The following RIDA variants were observed in gnomAD, a reference collection of about 807,000 sequenced individuals.
RIDA encodes reactive intermediate imine deaminase A.
RIDA carries 17 observed loss-of-function variants against 17.8 expected under a neutral mutation model. The observed-to-expected ratio is 0.96, with a 90% CI of 0.65 to 1.43. The LOEUF is 1.43. Ranked by LOEUF, RIDA falls within the 40% of genes most tolerant of loss-of-function variation. The pLI is 0.00. For synonymous variants in RIDA, 48 were observed against 55.7 expected, an observed-to-expected ratio of 0.86 and a Z score of 0.62; for missense variants, 158 against 161.7, an observed-to-expected ratio of 0.98 and a Z score of 0.12.
chr8:98,113,994 A>G (rs1189954067), intron 1 of RIDA, among the ~76,000 whole-genome samples: 1 of 152,214 alleles, frequency 6.6e-6, no homozygotes, highest in Admixed American at 6.5e-5. Context: ...GCTTAAAAAC[A>G]TTTAGCCTGG....
Position 98,103,829 on chromosome 8 carries a change from C to CG in RIDA, c.351+659dup, listed in dbSNP as rs1308099926. Among the ~76,000 whole-genome samples the CG allele has an allele frequency of 4.0e-5, 6 of 151,708 alleles. No individual in the cohort carries two copies. In the South Asian group the frequency reaches 6.3e-4, roughly 16 times the overall value. On this transcript the variant is annotated intron_variant, in intron 5 of 5. Coordinates refer to ENST00000254878, the MANE Select transcript of RIDA (RefSeq NM_005836.3). ...TTTTTTTTTGTATTTTTAGTAGAGA[C>CG]GGGTTTCACCATGTGAGCCAGGATG...
chr8:98,110,593 C>T (rs1243205932), intron 1 of RIDA, among the ~76,000 whole-genome samples: 1 of 152,148 alleles, frequency 6.6e-6, no homozygotes, highest in Non-Finnish European at 1.5e-5. Flanking sequence ...GTAACTTATA[C>T]CTCAATATAG....
At chr8:98,116,697 G>A (rs1459483666) in intron 1 of RIDA, among the ~76,000 whole-genome samples, 3 of 147,804 alleles carry the variant, frequency 2.0e-5, no homozygotes, top group African/African-American at 7.4e-5. Flanking sequence ...CTTACGGTAC[G>A]TGAATTATAT....
intron 1 of RIDA, among the ~76,000 whole-genome samples, chr8:98,112,194 A>AC (rs1444534941): frequency 2.4e-5 from 3 of 122,896 alleles, no homozygotes; most frequent in Admixed American, 9.1e-5. Flanking sequence ...AAACTATACT[A>AC]AACACACACA....
chr8:98,117,069 T>G lies in RIDA; in HGVS notation c.28A>C (p.Ser10Arg). MSSLIRRVI[S>R]TAKAPGAIGP... ...ATGGCCCCTGGGGCTTTCGCGGTGC[T>G]GATCACCCTTCTGATCAAGGACGAC... Residue 10 changes from serine to arginine, a missense_variant, in exon 1 of 6, where the codon AGC (serine) becomes CGC (arginine). Physicochemically the swap from Ser to Arg is moderately radical, Grantham distance 110. Transcript: ENST00000254878. The G allele has an allele frequency of 6.2e-7, 1 of 1,614,220 alleles. No individual in the cohort carries two copies. Among genetic ancestry groups the G allele is most frequent in the Non-Finnish European group, 8.5e-7 (1 of 1,180,002 alleles).
rs115349039 is a variant in RIDA, at chr8:98,109,774, A to G, written c.66-1023T>C. Among the ~76,000 whole-genome samples the G allele has an allele frequency of 4.4e-3, 668 of 151,976 alleles. 4 individuals are homozygous for G. The highest frequency in any genetic ancestry group is 0.015 in the African/African-American group (639 of 41,454). On this transcript the variant is annotated intron_variant, in intron 1 of 5. Coordinates refer to ENST00000254878, the MANE Select transcript of RIDA (RefSeq NM_005836.3). ...CCATGCCTGGCTAATTTTTTATTTTATTATTTACTTATTTTTATTTTTTGT... is the reference window on the plus strand; with the variant it reads ...CCATGCCTGGCTAATTTTTTATTTTGTTATTTACTTATTTTTATTTTTTGT...
chr8:98,111,991 T>C (rs1815735026), intron 1 of RIDA, among the ~76,000 whole-genome samples: 1 of 152,140 alleles, frequency 6.6e-6, no homozygotes, highest in Admixed American at 6.6e-5. Context: ...CTCTCTTCTT[T>C]TACATAAAAT....
intron 4 of RIDA, among the ~76,000 whole-genome samples, chr8:98,105,304 C>T (rs1026653): frequency 0.2 from 29,674 of 152,010 alleles, 3,145 homozygotes; most frequent in Non-Finnish European, 0.24. Flanking sequence ...CTAATAATTT[C>T]TTCAGGAGAG....
At chr8:98,105,177 G>A (rs993139875) in intron 4 of RIDA, among the ~76,000 whole-genome samples, 2 of 140,846 alleles carry the variant, frequency 1.4e-5, no homozygotes, top group Non-Finnish European at 3.1e-5. Flanking sequence ...GATCTTGTTT[G>A]ATGTGAATGG....
At position 98,102,486 on chromosome 8, in the gene RIDA, T is replaced by C. The variant is rs1192586967; in HGVS notation, c.*356A>G. ...TCACATAACGGACATCAAAACTAAA[T>C]AGTTCACATCATTAGTTTAAATTAA... On this transcript the variant is annotated 3_prime_UTR_variant, in exon 6 of 6. Transcript: ENST00000254878. The C allele has an allele frequency of 6.1e-6, 1 of 163,218 alleles. No homozygotes were observed. The highest frequency in any genetic ancestry group is 2.4e-5 in the African/African-American group (1 of 41,942). 10.1% of individuals were successfully genotyped at this position (163,218 alleles called of 1,614,324 possible).
At chr8:98,110,726 T>A (rs1815715311) in intron 1 of RIDA, among the ~76,000 whole-genome samples, 1 of 152,232 alleles carries the variant, frequency 6.6e-6, no homozygotes, top group African/African-American at 2.4e-5. Context: ...GGTCCACTTC[T>A]GATATGGCTT....
chr8:98,102,616 CAGTAAT>C lies in RIDA; in HGVS notation c.*220_*225del. The C allele has an allele frequency of 2.6e-6, 1 of 379,250 alleles. No homozygotes were observed. Among genetic ancestry groups the C allele is most frequent in the Non-Finnish European group, 4.7e-6 (1 of 210,628 alleles). 23.5% of individuals were successfully genotyped at this position (379,250 alleles called of 1,614,324 possible). On this transcript the variant is annotated 3_prime_UTR_variant, in exon 6 of 6. Coordinates refer to ENST00000254878, the MANE Select transcript of RIDA (RefSeq NM_005836.3). ...GTAATGGGTATCTCTTTCCTATATT[CAGTAAT>C]ACAGGTGCACACAGGTGTAATTTAA...
chr8:98,108,406 C>G (rs1291655695), intron 2 of RIDA, among the ~76,000 whole-genome samples: 2 of 150,462 alleles, frequency 1.3e-5, no homozygotes, highest in African/African-American at 4.9e-5. Flanking sequence ...GTCAATAATT[C>G]AGGTTTAAGG....
At chr8:98,106,615 G>T in intron 2 of RIDA, 1 of 314,284 alleles carries the variant, frequency 3.2e-6, no homozygotes, top group Non-Finnish European at 5.9e-6. Flanking sequence ...AATAATTTCT[G>T]GTGTTCTTCA....
chr8:98,104,692 T>A lies in RIDA; in HGVS notation c.296-148A>T, dbSNP rs1364382459. On this transcript the variant is annotated intron_variant, in intron 4 of 5. Transcript: ENST00000254878. ...GGCAAATATTTCATATACTAGTCAGTTCTTAGATATAAGCAACATTTATTT... is the reference window on the plus strand; with the variant it reads ...GGCAAATATTTCATATACTAGTCAGATCTTAGATATAAGCAACATTTATTT... The A allele has an allele frequency of 6.5e-6, 4 of 615,524 alleles. No individual in the cohort carries two copies. In the Admixed American group the frequency reaches 1.2e-4, roughly 18 times the overall value. The allele number at this position is 615,524 out of a possible 1,614,324, so 38.1% of individuals were successfully genotyped here. A position where few individuals can be genotyped will look rare whatever the true frequency, so the allele number is the denominator to read the frequency against.
Position 98,102,542 on chromosome 8 carries a change from A to C in RIDA, c.*300T>G, listed in dbSNP as rs188017367. On this transcript the variant is annotated 3_prime_UTR_variant, in exon 6 of 6. Transcript: ENST00000254878. ...TTCTTGATTATTTCTCAGGAATAGT[A>C]ACTCTTCTTTCCTACCTGGTATTTC... 35 of 223,990 alleles carry C rather than the reference A, an allele frequency of 1.6e-4. No individual in the cohort carries two copies. Among genetic ancestry groups the C allele is most frequent in the African/African-American group, 7.2e-4 (32 of 44,388 alleles). The allele number at this position is 223,990 out of a possible 1,614,324, so 13.9% of individuals were successfully genotyped here.
intron 1 of RIDA, among the ~76,000 whole-genome samples, chr8:98,110,502 C>T (rs1229202363): frequency 4.8e-4 from 73 of 152,226 alleles, no homozygotes; most frequent in African/African-American, 1.2e-3. Context: ...TCAGGTGATC[C>T]GCCTGCCTCC....
intron 1 of RIDA, among the ~76,000 whole-genome samples, chr8:98,114,590 TC>T (rs781450863): frequency 6.6e-6 from 1 of 151,916 alleles, no homozygotes; most frequent in Non-Finnish European, 1.5e-5. Flanking sequence ...TGCCTCGGCC[TC>T]CCAAAGTGCT....
intron 4 of RIDA, 93 bp downstream of exon 4, chr8:98,105,845 C>T: frequency 1.3e-6 from 1 of 760,524 alleles, no homozygotes; most frequent in Non-Finnish European, 2.3e-6. Flanking sequence ...TTAGCATCTC[C>T]TACCACTCTT....
Sources: allele counts gnomAD v4.1 joint callset (sites outside exome capture counted in the v4.1 genomes callset), GRCh38; gene constraint gnomAD v4.1.1; transcripts MANE v1.5; gene names NCBI Gene and HGNC (gene_info 2026-07-23, HGNC 2026-07-21).